ZFTRAF1: variants seen among roughly 807,000 people sequenced by gnomAD.
ZFTRAF1 encodes the protein zinc finger TRAF-type and ring finger containing 1.
the ZFTRAF1 span, chr8:144,462,255 CCGGGT>C: frequency 1.9e-6 from 1 of 536,348 alleles, no homozygotes; most frequent in Non-Finnish European, 3.3e-6. Flanking sequence ...CCGGGCTGGG[CCGGGT>C]CGGGGTCGGC....
chr8:144,456,881 T>A, the ZFTRAF1 span: 2 of 144,946 alleles, frequency 1.4e-5, no homozygotes, highest in African/African-American at 5.2e-5. Flanking sequence ...GGGGGTGACA[T>A]CACGGAATGA....
the ZFTRAF1 span, chr8:144,450,119 C>A: frequency 2.1e-6 from 1 of 478,218 alleles, no homozygotes; most frequent in East Asian, 3.6e-5. Flanking sequence ...AGCCTCGGGG[C>A]GCCTGGTGCA....
chr8:144,453,571 G>A, the ZFTRAF1 span: 7 of 942,986 alleles, frequency 7.4e-6, no homozygotes, highest in South Asian at 1.1e-4. Flanking sequence ...TCCAGCTGGT[G>A]CAGAGGGGCG....
the ZFTRAF1 span, chr8:144,452,121 G>A: frequency 1.7e-6 from 1 of 579,542 alleles, no homozygotes; most frequent in South Asian, 1.8e-5. Flanking sequence ...AGGTGGGCGG[G>A]GCTGCTGTGA....
the ZFTRAF1 span, chr8:144,456,834 T>A: frequency 6.9e-6 from 1 of 144,682 alleles, no homozygotes; most frequent in Non-Finnish European, 1.5e-5. Flanking sequence ...GGGGATGACA[T>A]CACAGGGGCA....
the ZFTRAF1 span, chr8:144,451,839 G>C: frequency 4.9e-6 from 1 of 204,906 alleles, no homozygotes; most frequent in Non-Finnish European, 1.0e-5. Context: ...TCTACAGTTT[G>C]AGTCGGGCAC....
the ZFTRAF1 span, chr8:144,452,648 C>T: frequency 2.9e-6 from 4 of 1,360,140 alleles, no homozygotes; most frequent in Middle Eastern, 3.7e-4. Context: ...CATATGGCTT[C>T]CATCCAGCTA....
At chr8:144,456,007 C>T in the ZFTRAF1 span, 1 of 152,294 alleles carries the variant, frequency 6.6e-6, no homozygotes. Flanking sequence ...GCAGCAGTGA[C>T]CCTGCCCTCC....
the ZFTRAF1 span, among the ~76,000 whole-genome samples, chr8:144,458,296 A>G: frequency 2.0e-5 from 3 of 152,362 alleles, no homozygotes; most frequent in South Asian, 6.2e-4. Flanking sequence ...GCTTAGATCT[A>G]AAAGTAACTC....
At chr8:144,459,725 A>C in the ZFTRAF1 span, among the ~76,000 whole-genome samples, 4 of 152,074 alleles carry the variant, frequency 2.6e-5, no homozygotes, top group Non-Finnish European at 5.9e-5. Context: ...TGCCAGGGAG[A>C]ACACACAAAG....
the ZFTRAF1 span, among the ~76,000 whole-genome samples, chr8:144,459,193 G>A: frequency 6.6e-6 from 1 of 152,366 alleles, no homozygotes; most frequent in South Asian, 2.1e-4. Context: ...GGGCAGAGGT[G>A]CCAACAGGCC....
the ZFTRAF1 span, among the ~76,000 whole-genome samples, chr8:144,458,166 A>C: frequency 1.3e-5 from 2 of 152,236 alleles, no homozygotes; most frequent in African/African-American, 4.8e-5. Context: ...GTTAAGCATG[A>C]AGCCAGGACT....
the ZFTRAF1 span, among the ~76,000 whole-genome samples, chr8:144,462,125 G>A: frequency 2.0e-5 from 3 of 152,166 alleles, no homozygotes; most frequent in South Asian, 4.1e-4. Context: ...GCAGCCGCTG[G>A]AGCCCCGCTG....
the ZFTRAF1 span, among the ~76,000 whole-genome samples, chr8:144,450,939 G>A: frequency 1.3e-5 from 2 of 152,164 alleles, no homozygotes; most frequent in African/African-American, 2.4e-5. Context: ...TATGGCAAAT[G>A]GAGGTGCACA....
chr8:144,453,506 A>C, the ZFTRAF1 span: 1 of 1,472,326 alleles, frequency 6.8e-7, no homozygotes, highest in Non-Finnish European at 9.2e-7. Context: ...CTGCGGGCTC[A>C]TGCTCGCACA....
chr8:144,452,366 G>C, the ZFTRAF1 span: 1 of 1,549,192 alleles, frequency 6.5e-7, no homozygotes. Context: ...CACCTGTGTA[G>C]CCAATCTTCT....
At chr8:144,451,159 C>T in the ZFTRAF1 span, 2 of 187,496 alleles carry the variant, frequency 1.1e-5, no homozygotes, top group Non-Finnish European at 1.1e-5. Context: ...GGTTCTGATA[C>T]AGAGGAGCTG....
At chr8:144,459,206 A>C in the ZFTRAF1 span, among the ~76,000 whole-genome samples, 1 of 152,224 alleles carries the variant, frequency 6.6e-6, no homozygotes, top group South Asian at 2.1e-4. Flanking sequence ...AACAGGCCAC[A>C]CTGCCCTCGG....
chr8:144,461,893 G>A, the ZFTRAF1 span, among the ~76,000 whole-genome samples: 2 of 152,160 alleles, frequency 1.3e-5, no homozygotes, highest in African/African-American at 2.4e-5. Flanking sequence ...AGGGAGCTTG[G>A]GACCGGGTGG....
Sources: allele counts gnomAD v4.1 joint callset (sites outside exome capture counted in the v4.1 genomes callset), GRCh38; gene constraint gnomAD v4.1.1; transcripts MANE v1.5; gene names NCBI Gene and HGNC (gene_info 2026-07-23, HGNC 2026-07-21).